The following RASA1 variants were observed in gnomAD, a reference collection of about 807,000 sequenced individuals.
RASA1 encodes the protein RAS p21 protein activator 1.
A neutral mutation model predicts 132.2 loss-of-function variants in RASA1; 25 were observed. That is an observed-to-expected ratio of 0.19 (90% CI 0.14 to 0.26). The LOEUF is 0.26. Ranked by LOEUF, RASA1 falls within the 10% of genes least tolerant of loss-of-function variation. RASA1 has a pLI of 1.00. For synonymous variants in RASA1, 477 were observed against 449.9 expected (o/e 1.06, Z -0.76); for missense variants, 964 against 1,299.2 (o/e 0.74, Z 3.97).
Position 87,268,369 on chromosome 5 carries a change from G to A in RASA1, c.-83G>A. The A allele has an allele frequency of 7.0e-7, 1 of 1,438,608 alleles. No homozygotes were observed. The highest frequency in any genetic ancestry group is 1.4e-5 in the African/African-American group (1 of 69,382). 89.1% of individuals were successfully genotyped at this position (1,438,608 alleles called of 1,614,324 possible). A position where few individuals can be genotyped will look rare whatever the true frequency, so the allele number is the denominator to read the frequency against. On this transcript the variant is annotated 5_prime_UTR_variant, in exon 1 of 25. Coordinates refer to ENST00000274376, the MANE Select transcript of RASA1 (RefSeq NM_002890.3). ...GGGAGCTGAAGGGGAGACGCGTCTG[G>A]GTGGGGCTGCTCGGAGCCCGGGCCT...
chr5:87,279,334 T>G (rs1754210542), intron 1 of RASA1, among the ~76,000 whole-genome samples: 1 of 152,214 alleles, frequency 6.6e-6, no homozygotes, highest in Non-Finnish European at 1.5e-5. Flanking sequence ...GTATCAATAT[T>G]TTGCCCTTTT....
intron 1 of RASA1, among the ~76,000 whole-genome samples, chr5:87,274,568 G>T (rs1753987147): frequency 6.6e-6 from 1 of 152,014 alleles, no homozygotes. Flanking sequence ...AGGGTTGCAA[G>T]AGTAAAATGC....
intron 1 of RASA1, among the ~76,000 whole-genome samples, chr5:87,330,271 A>G (rs1439832516): frequency 1.3e-5 from 2 of 152,150 alleles, no homozygotes; most frequent in Non-Finnish European, 2.9e-5. Context: ...CAACAAGCTT[A>G]CAAAAATAGT....
intron 1 of RASA1, among the ~76,000 whole-genome samples, chr5:87,277,371 C>T (rs1165095212): frequency 6.6e-6 from 1 of 152,142 alleles, no homozygotes; most frequent in Non-Finnish European, 1.5e-5. Flanking sequence ...TTTGGAGATA[C>T]AGCCTTTAAA....
intron 9 of RASA1, among the ~76,000 whole-genome samples, chr5:87,355,491 CAA>C (rs1759585256): frequency 6.6e-6 from 1 of 152,158 alleles, no homozygotes; most frequent in African/African-American, 2.4e-5. Context: ...CTGCTCAGAA[CAA>C]ACAATTCCTT....
chr5:87,379,314 A>G (rs528667975), intron 18 of RASA1, among the ~76,000 whole-genome samples: 62 of 152,302 alleles, frequency 4.1e-4, no homozygotes, highest in African/African-American at 1.3e-3. Flanking sequence ...GAGATAGGCT[A>G]CGGAATTCCG....
intron 21 of RASA1, among the ~76,000 whole-genome samples, chr5:87,384,185 A>C (rs1367261643): frequency 1.3e-5 from 2 of 152,166 alleles, no homozygotes; most frequent in African/African-American, 4.8e-5. Flanking sequence ...TTGGAATAGT[A>C]TTCTGTGAGT....
chr5:87,316,039 A>C (rs767834384), intron 1 of RASA1, among the ~76,000 whole-genome samples: 1 of 152,234 alleles, frequency 6.6e-6, no homozygotes, highest in Non-Finnish European at 1.5e-5. Context: ...CTGTATACCA[A>C]ATAATACATT....
chr5:87,319,899 A>G (rs1457052687), intron 1 of RASA1, among the ~76,000 whole-genome samples: 2 of 152,220 alleles, frequency 1.3e-5, no homozygotes, highest in Non-Finnish European at 2.9e-5. Flanking sequence ...CCTTTTAAAC[A>G]TAAGTTCCAA....
chr5:87,380,450 C>T, intron 19 of RASA1, 59 bp from the exon 20 acceptor site: 1 of 1,431,920 alleles, frequency 7.0e-7, no homozygotes, highest in East Asian at 2.3e-5. Context: ...CTTTTGGCTG[C>T]TAGGAGATCA....
chr5:87,311,432 G>T (rs1283707560), intron 1 of RASA1, among the ~76,000 whole-genome samples: 1 of 152,200 alleles, frequency 6.6e-6, no homozygotes, highest in Non-Finnish European at 1.5e-5. Context: ...CTCAGGTTCA[G>T]TGATTTTCTA....
chr5:87,310,861 A>G (rs1453560652), intron 1 of RASA1, among the ~76,000 whole-genome samples: 2 of 152,216 alleles, frequency 1.3e-5, no homozygotes, highest in Non-Finnish European at 2.9e-5. Flanking sequence ...GTACCAAATG[A>G]TTCATTATCA....
chr5:87,319,778 G>C (rs1452982176), intron 1 of RASA1, among the ~76,000 whole-genome samples: 1 of 152,102 alleles, frequency 6.6e-6, no homozygotes, highest in East Asian at 1.9e-4. Context: ...TTGGCTTCTT[G>C]TTATTTATGT....
chr5:87,285,160 C>T (rs1033253529), intron 1 of RASA1, among the ~76,000 whole-genome samples: 6 of 150,086 alleles, frequency 4.0e-5, no homozygotes, highest in African/African-American at 1.2e-4. Context: ...CTCCACTTCC[C>T]GGGTTCAAGC....
chr5:87,331,286 G>A (rs1021849502), intron 1 of RASA1, 62 bp from the exon 2 acceptor site: 1 of 1,487,994 alleles, frequency 6.7e-7, no homozygotes, highest in Non-Finnish European at 9.4e-7. Flanking sequence ...TGTTTTTCAA[G>A]TGTCCATAGA....
intron 1 of RASA1, among the ~76,000 whole-genome samples, chr5:87,329,438 G>A (rs1229869706): frequency 1.3e-5 from 2 of 151,912 alleles, no homozygotes; most frequent in Non-Finnish European, 2.9e-5. Context: ...TGAGACTCCC[G>A]TCTTAAAACA....
Position 87,268,747 on chromosome 5 carries a change from C to G in RASA1, c.296C>G (p.Ala99Gly). 1 of 1,613,452 alleles carries G rather than the reference C, an allele frequency of 6.2e-7. No homozygotes were observed. Among genetic ancestry groups the G allele is most frequent in the Non-Finnish European group, 8.5e-7 (1 of 1,179,744 alleles). ...GGTAAGVAGA[A>G]AGVAGAAVAG... The stretch of plus-strand genomic sequence containing the variant: ...ACTGCTGCTGGCGTAGCTGGTGCTG[C>G]TGCTGGCGTGGCCGGTGCTGCTGTT... The change falls in exon 1 of 25, where the codon GCT (alanine) becomes GGT (glycine). Residue 99 changes from alanine (A) to glycine (G), a missense_variant. Around this residue, in one of 6 missense-constraint regions of RASA1, gnomAD observed 326 missense variants for 275.8 expected, o/e 1.18. Transcript: ENST00000274376.
chr5:87,300,642 A>G (rs1269575075), intron 1 of RASA1, among the ~76,000 whole-genome samples: 1 of 152,236 alleles, frequency 6.6e-6, no homozygotes, highest in Non-Finnish European at 1.5e-5. Flanking sequence ...AATTATTTAT[A>G]AGGTAATATC....
intron 23 of RASA1, among the ~76,000 whole-genome samples, chr5:87,387,170 T>G (rs1469533704): frequency 2.6e-5 from 4 of 152,140 alleles, no homozygotes; most frequent in Admixed American, 2.0e-4. Flanking sequence ...CTGTCTTGCT[T>G]TTCATATCCT....
Sources: allele counts gnomAD v4.1 joint callset (sites outside exome capture counted in the v4.1 genomes callset), GRCh38; gene constraint gnomAD v4.1.1; regional missense constraint gnomAD v4.1.1; transcripts MANE v1.5; gene names NCBI Gene and HGNC (gene_info 2026-07-23, HGNC 2026-07-21).